EYA1: variants seen among roughly 807,000 people sequenced by gnomAD.
EYA1 encodes the protein EYA transcriptional coactivator and phosphatase 1, also known as protein phosphatase EYA1.
Under a neutral mutation model 82.0 loss-of-function variants are expected in EYA1, and 16 were observed. The observed-to-expected ratio is 0.20, with a 90% CI of 0.13 to 0.30. EYA1 has a LOEUF of 0.30. Ranked by LOEUF, EYA1 falls within the 10% of genes least tolerant of loss-of-function variation. EYA1 has a pLI of 1.00. For synonymous variants in EYA1, 261 were observed against 264.4 expected (o/e 0.99, Z 0.12); for missense variants, 633 against 730.7 (o/e 0.87, Z 1.54).
chr8:71,484,938 C>T (rs1253722207), intron 2 of EYA1, among the ~76,000 whole-genome samples: 3 of 152,170 alleles, frequency 2.0e-5, no homozygotes, highest in African/African-American at 2.4e-5. Flanking sequence ...TCTTCACAAG[C>T]CTCATGTAAG....
intron 4 of EYA1, chr8:71,322,546 A>C (rs913861957): frequency 2.3e-6 from 1 of 434,740 alleles, no homozygotes; most frequent in African/African-American, 2.0e-5. Context: ...GCATGCTGTG[A>C]GTTTTTACAG....
intron 2 of EYA1, among the ~76,000 whole-genome samples, chr8:71,398,459 C>T (rs1017313044): frequency 5.3e-4 from 81 of 152,266 alleles, no homozygotes; most frequent in African/African-American, 1.8e-3. Flanking sequence ...ATGTTGGTGA[C>T]GTACAGATGG....
At chr8:71,244,310 G>A (rs1251233647) in intron 12 of EYA1, among the ~76,000 whole-genome samples, 9 of 152,232 alleles carry the variant, frequency 5.9e-5, no homozygotes, top group Admixed American at 5.9e-4. Context: ...ACATATCTTA[G>A]TGGTGATTAT....
rs573907229 is a variant in EYA1 at position 71,389,790 on chromosome 8, G to T, written c.34-33279C>A. On this transcript the variant is annotated intron_variant, in intron 2 of 18. Transcript: ENST00000643681. Reference sequence around the variant, plus strand: ...GAGTTTTCTTGCTGTCCACCAGAAAGACCCCTTTACACTGTAATGCCAGTA... The same window carrying T: ...GAGTTTTCTTGCTGTCCACCAGAAATACCCCTTTACACTGTAATGCCAGTA... 6.6e-5 allele frequency among the ~76,000 whole-genome samples: 10 copies of T among 152,256 alleles called. No individual in the cohort carries two copies. In the East Asian group the frequency reaches 1.9e-3, roughly 29 times the overall value.
At chr8:71,216,561 T>C in intron 14 of EYA1, 131 bp downstream of exon 14, 1 of 940,674 alleles carries the variant, frequency 1.1e-6, no homozygotes. Context: ...AGCAGAATAA[T>C]GGCCAGTGAG....
chr8:71,241,405 C>T (rs920180823), intron 12 of EYA1, among the ~76,000 whole-genome samples: 13 of 152,154 alleles, frequency 8.5e-5, no homozygotes, highest in Non-Finnish European at 1.5e-5. Flanking sequence ...ATCCTAATAA[C>T]CATTTTAAGC....
intron 9 of EYA1, among the ~76,000 whole-genome samples, chr8:71,298,238 G>A (rs868149615): frequency 3.9e-5 from 6 of 152,050 alleles, no homozygotes; most frequent in African/African-American, 1.4e-4. Flanking sequence ...CAATGGAGTG[G>A]GCTTTAGCTC....
At chr8:71,255,410 T>C (rs1181410863) in intron 11 of EYA1, among the ~76,000 whole-genome samples, 1 of 152,092 alleles carries the variant, frequency 6.6e-6, no homozygotes, top group Non-Finnish European at 1.5e-5. Context: ...TACAGACCAA[T>C]GGAATATAGA....
chr8:71,306,800 G>T (rs1261058618), intron 7 of EYA1, among the ~76,000 whole-genome samples: 1 of 152,080 alleles, frequency 6.6e-6, no homozygotes, highest in Non-Finnish European at 1.5e-5. Flanking sequence ...ATAATTGATA[G>T]CAGGTAATTG....
At chr8:71,369,032 C>CAAAAAAAAAAAA (rs60647486) in intron 2 of EYA1, among the ~76,000 whole-genome samples, 4 of 112,826 alleles carry the variant, frequency 3.5e-5, no homozygotes, top group East Asian at 3.1e-4. Context: ...ACTAAAAATA[C>CAAAAAAAAAAAA]AAAAAAAAAA....
upstream of EYA1, among the ~76,000 whole-genome samples, chr8:71,365,152 C>CAA: frequency 6.6e-6 from 1 of 151,474 alleles, no homozygotes; most frequent in Admixed American, 6.6e-5. Context: ...CATGAGTTAA[C>CAA]AGTTGATTAA....
intron 6 of EYA1, among the ~76,000 whole-genome samples, chr8:71,320,000 C>G (rs1263423910): frequency 6.6e-6 from 1 of 152,210 alleles, no homozygotes; most frequent in Non-Finnish European, 1.5e-5. Context: ...GCCCTTCACA[C>G]TGAGCCTCGC....
intron 2 of EYA1, among the ~76,000 whole-genome samples, chr8:71,428,714 C>A (rs1237153275): frequency 6.6e-6 from 1 of 152,082 alleles, no homozygotes; most frequent in Non-Finnish European, 1.5e-5. Flanking sequence ...TTAAAGTGTC[C>A]TAACTGCTCT....
chr8:71,204,768 T>A (rs574820644), intron 17 of EYA1, among the ~76,000 whole-genome samples: 6 of 152,364 alleles, frequency 3.9e-5, no homozygotes, highest in African/African-American at 1.4e-4. Context: ...GAATTACAAA[T>A]ACTTTTCAAA....
chr8:71,503,297 A>T (rs1477978379), intron 2 of EYA1, among the ~76,000 whole-genome samples: 2 of 151,742 alleles, frequency 1.3e-5, no homozygotes, highest in Non-Finnish European at 2.9e-5. Flanking sequence ...GGTTCGAGAA[A>T]CCCCGTCTCT....
chr8:71,346,545 C>G (rs1436498398), intron 3 of EYA1, among the ~76,000 whole-genome samples: 1 of 150,820 alleles, frequency 6.6e-6, no homozygotes, highest in Non-Finnish European at 1.5e-5. Flanking sequence ...TACACACTAA[C>G]CCTAAGTGTA....
intron 12 of EYA1, among the ~76,000 whole-genome samples, chr8:71,223,671 CT>C (rs1366320658): frequency 6.6e-6 from 1 of 152,164 alleles, no homozygotes; most frequent in African/African-American, 2.4e-5. Flanking sequence ...GTTATTCTGC[CT>C]TTTTAGTCCC....
At chr8:71,351,648 C>G (rs1045073750) in intron 3 of EYA1, among the ~76,000 whole-genome samples, 1 of 152,184 alleles carries the variant, frequency 6.6e-6, no homozygotes, top group African/African-American at 2.4e-5. Context: ...CTGTCTTTAT[C>G]CCTTAGATGA....
At chr8:71,240,745 T>C (rs1020889715) in intron 12 of EYA1, among the ~76,000 whole-genome samples, 3 of 152,210 alleles carry the variant, frequency 2.0e-5, no homozygotes, top group South Asian at 4.1e-4. Flanking sequence ...CCTGTATCCA[T>C]CTTCATAAAA....
Sources: gnomAD v4.1 joint callset for allele counts (sites outside exome capture counted in the v4.1 genomes callset) on GRCh38, gnomAD v4.1.1 for gene constraint, MANE v1.5 for transcripts, NCBI Gene and HGNC (gene_info 2026-07-23, HGNC 2026-07-21) for gene names.